The following QKI variants were observed in gnomAD, a reference collection of about 807,000 sequenced individuals.
The protein encoded by QKI is KH domain-containing RNA-binding protein QKI.
Under a neutral mutation model 39.0 loss-of-function variants are expected in QKI, and 10 were observed. The ratio of observed to expected loss-of-function variants is 0.26; its 90% confidence interval spans 0.16 to 0.43. The LOEUF (loss-of-function observed/expected upper bound fraction) is 0.43, where lower values mean the gene tolerates loss of function less well. Ranked by LOEUF, QKI falls within the 20% of genes least tolerant of loss-of-function variation. The pLI is 1.00. For missense variants in QKI, 218 were observed against 428.0 expected (o/e 0.51, Z 4.33); for synonymous variants, 204 against 155.4 (o/e 1.31, Z -2.33).
At chr6:163,556,586 A>T (rs1304391374) in intron 4 of QKI, among the ~76,000 whole-genome samples, 1 of 151,866 alleles carries the variant, frequency 6.6e-6, no homozygotes, top group Non-Finnish European at 1.5e-5. Flanking sequence ...CATAAATTAA[A>T]ATATATATAT....
chr6:163,554,963 T>G (rs1295462602), intron 4 of QKI, among the ~76,000 whole-genome samples: 1 of 152,214 alleles, frequency 6.6e-6, no homozygotes, highest in Non-Finnish European at 1.5e-5. Flanking sequence ...CCCCTTTGTT[T>G]AAGTCAATCA....
chr6:163,463,505 A>G (rs926814268), intron 2 of QKI, among the ~76,000 whole-genome samples: 1 of 152,250 alleles, frequency 6.6e-6, no homozygotes, highest in African/African-American at 2.4e-5. Flanking sequence ...TCGATTTGAC[A>G]CCAGCAGCAA....
At chr6:163,512,044 C>G (rs1407644854) in intron 3 of QKI, among the ~76,000 whole-genome samples, 4 of 151,970 alleles carry the variant, frequency 2.6e-5, no homozygotes, top group African/African-American at 7.2e-5. Flanking sequence ...GTTTTAACAT[C>G]TTGAAACTAA....
chr6:163,511,883 A>G (rs1779504776), intron 3 of QKI, among the ~76,000 whole-genome samples: 1 of 152,120 alleles, frequency 6.6e-6, no homozygotes, highest in East Asian at 1.9e-4. Context: ...TGATACTAAA[A>G]TTCAACAAAG....
intron 3 of QKI, 94 bp from the exon 4 acceptor site, chr6:163,534,887 AT>A: frequency 9.7e-7 from 1 of 1,027,536 alleles, no homozygotes; most frequent in Non-Finnish European, 1.3e-6. Flanking sequence ...TAATGCAAAC[AT>A]AGCTGAAATA....
intron 3 of QKI, among the ~76,000 whole-genome samples, chr6:163,489,866 T>G (rs1310319312): frequency 1.3e-5 from 2 of 152,188 alleles, no homozygotes; most frequent in African/African-American, 4.8e-5. Flanking sequence ...TTGATTCTCA[T>G]GTGGAATTCT....
chr6:163,461,600 G>A (rs1301441854), intron 2 of QKI, among the ~76,000 whole-genome samples: 1 of 152,160 alleles, frequency 6.6e-6, no homozygotes, highest in African/African-American at 2.4e-5. Flanking sequence ...CTACTCATAG[G>A]TGTTCAATCT....
intron 4 of QKI, among the ~76,000 whole-genome samples, chr6:163,543,248 T>G (rs565633653): frequency 6.6e-6 from 1 of 152,200 alleles, no homozygotes; most frequent in South Asian, 2.1e-4. Context: ...ATTTGTGGTA[T>G]TGTTGGCCTC....
intron 6 of QKI, chr6:163,565,240 A>ATTGTTTAAGTTTT: frequency 1.0e-6 from 1 of 988,050 alleles, no homozygotes; most frequent in Non-Finnish European, 1.2e-6. Flanking sequence ...TTCTATTAAT[A>ATTGTTTAAGTTTT]CTCTGTCCTG....
chr6:163,577,230 G>C lies in QKI; in HGVS notation c.*6520G>C, dbSNP rs374349452. 6.6e-6 allele frequency: 1 copy of C among 151,848 alleles called. No homozygotes were observed. The highest frequency in any genetic ancestry group is 1.5e-5 in the Non-Finnish European group (1 of 67,982). 9.4% of individuals were successfully genotyped at this position (151,848 alleles called of 1,614,324 possible). On this transcript the variant is annotated 3_prime_UTR_variant, in exon 8 of 8. Coordinates refer to ENST00000361752, the MANE Select transcript of QKI (RefSeq NM_006775.3). ...TCTGGCTCCTTTCCTCTTGCTCACCGGAACCTTAGTTTTCCTCAACAGAAT... is the reference window on the plus strand; with the variant it reads ...TCTGGCTCCTTTCCTCTTGCTCACCCGAACCTTAGTTTTCCTCAACAGAAT...
intron 1 of QKI, among the ~76,000 whole-genome samples, chr6:163,422,416 A>G (rs912065110): frequency 1.3e-5 from 2 of 152,192 alleles, no homozygotes; most frequent in African/African-American, 4.8e-5. Flanking sequence ...GCAGATAAGC[A>G]GATATTGAAG....
At chr6:163,520,476 C>G (rs758124314) in intron 3 of QKI, among the ~76,000 whole-genome samples, 73 of 151,700 alleles carry the variant, frequency 4.8e-4, no homozygotes, top group Non-Finnish European at 8.5e-4. Context: ...AATTGTAATT[C>G]ATGAAGGAAG....
chr6:163,462,989 CAT>C (rs1247582819), intron 2 of QKI, among the ~76,000 whole-genome samples: 6 of 152,120 alleles, frequency 3.9e-5, no homozygotes, highest in South Asian at 2.1e-4. Context: ...ATCAGTAAAA[CAT>C]ATGAAAATAT....
chr6:163,488,432 G>A (rs892154454), intron 3 of QKI, among the ~76,000 whole-genome samples: 1 of 152,072 alleles, frequency 6.6e-6, no homozygotes, highest in African/African-American at 2.4e-5. Context: ...AAATACACAC[G>A]AATATTTTCA....
chr6:163,505,438 G>A (rs183483218), intron 3 of QKI, among the ~76,000 whole-genome samples: 9 of 152,298 alleles, frequency 5.9e-5, no homozygotes, highest in Admixed American at 5.2e-4. Context: ...GAAAGCAGCC[G>A]AGGGGACTGA....
In QKI at chr6:163,567,114, C is replaced by A. The variant is rs1044325933; in HGVS notation, c.1009+319C>A. On this transcript the variant is annotated intron_variant, in intron 7 of 7. Coordinates refer to ENST00000361752, the MANE Select transcript of QKI (RefSeq NM_006775.3). ...CAGTTATTTTCATTAATAACTTTTG[C>A]TAAAATTTACCTTTTAAAAGTTCTG... is the stretch of plus-strand genomic sequence containing the variant. 8.8e-6 allele frequency: 9 copies of A among 1,028,422 alleles called. No individual in the cohort carries two copies. The Admixed American group carries it at 2.2e-4, about 25-fold the overall frequency. The allele number at this position is 1,028,422 out of a possible 1,614,324, so 63.7% of individuals were successfully genotyped here.
intron 4 of QKI, among the ~76,000 whole-genome samples, chr6:163,557,978 G>A (rs1458956698): frequency 3.9e-5 from 6 of 152,312 alleles, no homozygotes; most frequent in Non-Finnish European, 7.3e-5. Context: ...CTTGAGTTCA[G>A]TATTACAAAA....
chr6:163,457,353 C>G (rs1262544509), intron 2 of QKI: 1 of 455,886 alleles, frequency 2.2e-6, no homozygotes, highest in African/African-American at 2.0e-5. Flanking sequence ...GGCACCTGTT[C>G]ACTATATTCC....
intron 4 of QKI, among the ~76,000 whole-genome samples, chr6:163,559,215 C>T (rs975352196): frequency 6.6e-6 from 1 of 152,186 alleles, no homozygotes; most frequent in African/African-American, 2.4e-5. Context: ...TTTATTTCCT[C>T]TTTGTTGGAA....
Sources: allele counts gnomAD v4.1 joint callset (sites outside exome capture counted in the v4.1 genomes callset), GRCh38; gene constraint gnomAD v4.1.1; transcripts MANE v1.5; gene names NCBI Gene and HGNC (gene_info 2026-07-23, HGNC 2026-07-21).